The following SLC1A7 variants were observed in gnomAD, a reference collection of about 807,000 sequenced individuals.
SLC1A7 encodes excitatory amino acid transporter 5.
A neutral mutation model predicts 47.7 loss-of-function variants in SLC1A7; 40 were observed. The ratio of observed to expected loss-of-function variants is 0.84; its 90% confidence interval spans 0.65 to 1.09. SLC1A7 has a LOEUF of 1.09. Among genes scored for constraint, SLC1A7 ranks in the 50% least tolerant of loss-of-function variants. The pLI is 0.00. For synonymous variants in SLC1A7, 323 were observed against 325.6 expected, an observed-to-expected ratio of 0.99 and a Z score of 0.09; for missense variants, 746 against 769.5, an observed-to-expected ratio of 0.97 and a Z score of 0.36.
At chr1:53,103,235 A>G (rs1644602994) in intron 5 of SLC1A7, 111 bp downstream of exon 5, 1 of 789,734 alleles carries the variant, frequency 1.3e-6, no homozygotes, top group African/African-American at 1.8e-5. Flanking sequence ...TTTTCACAGT[A>G]AACCTCTCCA....
In SLC1A7 at chr1:53,090,751, G is replaced by T; in HGVS notation, c.1087C>A (p.Arg363=). ...GGCAGCACGAAGCGAGCGATGCGCC[G>T]GTCGATGTGGTTGTTCTCCAGCAGG... The part of the protein sequence containing the change: ...KCLLENNHID[R]RIARFVLPVG... Residue 363 remains arginine (R), a synonymous_variant, in exon 8 of 11, where the codon CGG becomes AGG. Coordinates refer to ENST00000371494, the MANE Select transcript of SLC1A7 (RefSeq NM_006671.6). 1 of 1,613,640 alleles carries T rather than the reference G, an allele frequency of 6.2e-7. No individual in the cohort carries two copies. Among genetic ancestry groups the T allele is most frequent in the Non-Finnish European group, 8.5e-7 (1 of 1,179,818 alleles).
rs532696750 is a variant in SLC1A7, at chr1:53,140,365, G to A, written c.135+1950C>T. Among the ~76,000 whole-genome samples the A allele has an allele frequency of 1.8e-3, 271 of 152,280 alleles. 2 individuals are homozygous for A. Among genetic ancestry groups the A allele is most frequent in the Middle Eastern group, 0.01 (3 of 294 alleles). On this transcript the variant is annotated intron_variant, in intron 1 of 10. Transcript: ENST00000371494. ...ATTTTTGTTGCTGAGGAAAATTAAA[G>A]AGAACAGATTGCAGATTTTTTTGTT...
intron 2 of SLC1A7, among the ~76,000 whole-genome samples, chr1:53,124,859 G>A (rs1644864076): frequency 6.6e-6 from 1 of 152,206 alleles, no homozygotes; most frequent in African/African-American, 2.4e-5. Flanking sequence ...CCTCCCGAGT[G>A]GGTGAGTAAA....
At chr1:53,099,896 C>A (rs939377530) in intron 5 of SLC1A7, among the ~76,000 whole-genome samples, 3 of 150,916 alleles carry the variant, frequency 2.0e-5, no homozygotes, top group Non-Finnish European at 4.4e-5. Context: ...TACATTCACA[C>A]ACCCCAACTC....
intron 3 of SLC1A7, among the ~76,000 whole-genome samples, chr1:53,111,470 G>A (rs1359731807): frequency 6.6e-6 from 1 of 152,220 alleles, no homozygotes; most frequent in Non-Finnish European, 1.5e-5. Context: ...CAGAGGACAG[G>A]AAGCAGAGAG....
chr1:53,115,245 G>A (rs949081596), intron 2 of SLC1A7: 7 of 550,250 alleles, frequency 1.3e-5, no homozygotes, highest in South Asian at 4.5e-5. Context: ...GTGGGATGGT[G>A]GGGACACTGT....
chr1:53,094,143 C>T (rs1256937372), intron 5 of SLC1A7, among the ~76,000 whole-genome samples: 1 of 152,250 alleles, frequency 6.6e-6, no homozygotes, highest in Admixed American at 6.5e-5. Flanking sequence ...TACAACATAA[C>T]TGTCTGGGTT....
chr1:53,089,189 GC>G (rs1195681901), intron 9 of SLC1A7, among the ~76,000 whole-genome samples: 8 of 152,128 alleles, frequency 5.3e-5, no homozygotes, highest in Admixed American at 1.3e-4. Context: ...AGGTCCCCAT[GC>G]TTAGAAGGGT....
chr1:53,092,569 A>G lies in SLC1A7; in HGVS notation c.1016T>C (p.Leu339Pro), dbSNP rs1472064542. 8 of 1,612,702 alleles carry G rather than the reference A, an allele frequency of 5.0e-6. No individual in the cohort carries two copies. Among genetic ancestry groups the G allele is most frequent in the East Asian group, 4.5e-5 (2 of 44,862 alleles). Residue 339 changes from leucine (L) to proline (P), a missense_variant, in exon 7 of 11, where the codon CTG (leucine) becomes CCG (proline). Physicochemically the swap from Leu to Pro is moderately conservative, Grantham distance 98 (BLOSUM62 -3). Transcript: ENST00000371494. ...RGILQALLIA[L>P]ATSSSSATLP... ...CCGGGGCTACCTGGAGGAGGTGGCC[A>G]GCGCGATGAGCAGAGCCTGCAGGAT...
At chr1:53,111,167 G>T (rs894410916) in intron 3 of SLC1A7, among the ~76,000 whole-genome samples, 3 of 152,178 alleles carry the variant, frequency 2.0e-5, no homozygotes, top group Admixed American at 1.3e-4. Context: ...CAGAGCCTGG[G>T]AGGTCTCAGG....
chr1:53,100,561 C>A (rs535379725), intron 5 of SLC1A7, among the ~76,000 whole-genome samples: 3 of 151,546 alleles, frequency 2.0e-5, no homozygotes, highest in African/African-American at 7.3e-5. Context: ...ACACACACTG[C>A]CTCAATACAC....
At chr1:53,095,692 C>T (rs1244818254) in intron 5 of SLC1A7, among the ~76,000 whole-genome samples, 4 of 150,422 alleles carry the variant, frequency 2.7e-5, no homozygotes, top group African/African-American at 7.4e-5. Flanking sequence ...GCTCAATACA[C>T]TCACACACCC....
intron 1 of SLC1A7, among the ~76,000 whole-genome samples, chr1:53,135,866 T>C (rs541860188): frequency 2.0e-5 from 3 of 150,422 alleles, no homozygotes. Context: ...CCAAGTTGAA[T>C]TGTTGTACTT....
At chr1:53,136,726 G>A (rs1645004386) in intron 1 of SLC1A7, among the ~76,000 whole-genome samples, 1 of 144,180 alleles carries the variant, frequency 6.9e-6, no homozygotes, top group South Asian at 2.2e-4. Context: ...GAGGGCAGTG[G>A]CATGATTTCA....
intron 2 of SLC1A7, chr1:53,115,565 G>A (rs1298156383): frequency 6.4e-6 from 1 of 156,858 alleles, no homozygotes; most frequent in East Asian, 1.9e-4. Context: ...CGGGCTCCTG[G>A]ACGAGCTAAT....
At chr1:53,128,042 A>G (rs1644902114) in intron 2 of SLC1A7, among the ~76,000 whole-genome samples, 1 of 152,248 alleles carries the variant, frequency 6.6e-6, no homozygotes, top group Non-Finnish European at 1.5e-5. Context: ...ATGATAACGA[A>G]TACACACAGA....
chr1:53,113,354 C>T (rs978860663), intron 3 of SLC1A7, among the ~76,000 whole-genome samples: 8 of 152,210 alleles, frequency 5.3e-5, no homozygotes, highest in South Asian at 2.1e-4. Context: ...TCCAAACCTC[C>T]GTCTCCAGCT....
chr1:53,113,983 G>A (rs765540117), intron 3 of SLC1A7, among the ~76,000 whole-genome samples: 18 of 151,964 alleles, frequency 1.2e-4, no homozygotes, highest in African/African-American at 4.4e-4. Flanking sequence ...TGCTCTCACC[G>A]GCAGCCCCAG....
intron 2 of SLC1A7, chr1:53,116,367 CTT>C (rs1027938509): frequency 1.3e-5 from 2 of 152,348 alleles, no homozygotes; most frequent in African/African-American, 4.8e-5. Context: ...ACTGCGGACT[CTT>C]TACTGGAAGC....
Sources: gnomAD v4.1 joint callset for allele counts (sites outside exome capture counted in the v4.1 genomes callset) on GRCh38, gnomAD v4.1.1 for gene constraint, MANE v1.5 for transcripts, NCBI Gene and HGNC (gene_info 2026-07-23, HGNC 2026-07-21) for gene names.